The following PPM1E variants were observed in gnomAD, a reference collection of about 807,000 sequenced individuals.
The protein encoded by PPM1E is protein phosphatase 1E.
In PPM1E, 20 loss-of-function variants were observed where a neutral mutation model predicts 65.9. That is an observed-to-expected ratio of 0.30 (90% CI 0.21 to 0.44). The LOEUF (loss-of-function observed/expected upper bound fraction) is 0.44. PPM1E is among the 20% of genes least tolerant of loss of function. PPM1E has a pLI of 1.00. For missense variants in PPM1E, 713 were observed against 953.1 expected (o/e 0.75, Z 3.32); for synonymous variants, 352 against 374.9 (o/e 0.94, Z 0.70).
At chr17:58,860,921 A>G (rs1021354479) in intron 1 of PPM1E, among the ~76,000 whole-genome samples, 1 of 152,042 alleles carries the variant, frequency 6.6e-6, no homozygotes, top group African/African-American at 2.4e-5. Flanking sequence ...TGGGCGACAG[A>G]GTGAGACTCC....
At chr17:58,821,640 T>C (rs763582056) in intron 1 of PPM1E, among the ~76,000 whole-genome samples, 4 of 152,278 alleles carry the variant, frequency 2.6e-5, no homozygotes. Flanking sequence ...AGAATTCCTT[T>C]GATTGAGAAG....
chr17:58,962,311 C>T (rs1290729168), intron 2 of PPM1E, among the ~76,000 whole-genome samples: 1 of 150,938 alleles, frequency 6.6e-6, no homozygotes, highest in Non-Finnish European at 1.5e-5. Context: ...AAAAATGTAA[C>T]CACATGTAGT....
Position 58,969,664 on chromosome 17 carries a change from T to C in PPM1E, c.909T>C (p.Ala303=), listed in dbSNP as rs750263566. 4 of 1,614,190 alleles carry C rather than the reference T, an allele frequency of 2.5e-6. No individual in the cohort carries two copies. In the South Asian group the frequency reaches 4.4e-5, roughly 18 times the overall value. The change falls in exon 4 of 7, where the codon GCT becomes GCC. Residue 303 remains alanine (A), a synonymous_variant. Transcript: ENST00000308249. ...AGGAGATGTTCCCCCATGATCCTGC[T>C]GAGGCCCTGTGCAGGGCCTTCCGGG... ...VRQEMFPHDP[A]EALCRAFRVT...
intron 1 of PPM1E, among the ~76,000 whole-genome samples, chr17:58,831,289 G>A (rs1299337939): frequency 2.6e-5 from 4 of 152,164 alleles, no homozygotes; most frequent in African/African-American, 4.8e-5. Context: ...GATTACAGGC[G>A]TGAGCCACTG....
intron 1 of PPM1E, among the ~76,000 whole-genome samples, chr17:58,847,773 T>A (rs2050786660): frequency 6.6e-6 from 1 of 152,220 alleles, no homozygotes; most frequent in Non-Finnish European, 1.5e-5. Context: ...TGATTCCATA[T>A]GAACTTGAAA....
At chr17:58,956,103 T>A (rs1432680699) in intron 2 of PPM1E, among the ~76,000 whole-genome samples, 1 of 151,968 alleles carries the variant, frequency 6.6e-6, no homozygotes, top group Non-Finnish European at 1.5e-5. Context: ...TGAGGGAGAA[T>A]TCGAGCAAAA....
In PPM1E at chr17:58,969,689, G is replaced by A; in HGVS notation, c.934G>A (p.Val312Ile). 1 of 1,614,174 alleles carries A rather than the reference G, an allele frequency of 6.2e-7. No homozygotes were observed. The highest frequency in any genetic ancestry group is 8.5e-7 in the Non-Finnish European group (1 of 1,180,024). ...TGAGGCCCTGTGCAGGGCCTTCCGG[G>A]TCACTGATGAGCGGTTTGTGCAGAA... Reference protein sequence around the residue: ...PAEALCRAFRVTDERFVQKAA... With the variant: ...PAEALCRAFRITDERFVQKAA... Residue 312 changes from valine (V) to isoleucine (I), a missense_variant, in exon 4 of 7, where the codon GTC (valine) becomes ATC (isoleucine). By Grantham distance (29) the Val-to-Ile change is conservative. Around this residue, in one of 6 missense-constraint regions of PPM1E, gnomAD observed 88 missense variants for 231.1 expected, o/e 0.38. Coordinates refer to ENST00000308249, the MANE Select transcript of PPM1E (RefSeq NM_014906.5).
At chr17:58,768,373 C>A (rs961119964) in intron 1 of PPM1E, among the ~76,000 whole-genome samples, 2 of 152,154 alleles carry the variant, frequency 1.3e-5, no homozygotes, top group Admixed American at 6.6e-5. Flanking sequence ...AGCTACCTTG[C>A]CTGGCCCTTA....
chr17:58,971,568 G>T (rs2030625885), intron 4 of PPM1E, among the ~76,000 whole-genome samples: 1 of 152,054 alleles, frequency 6.6e-6, no homozygotes, highest in Admixed American at 6.6e-5. Flanking sequence ...TTTTTTAAAG[G>T]TATAAGCATC....
At chr17:58,944,479 C>T (rs935191713) in intron 1 of PPM1E, among the ~76,000 whole-genome samples, 2 of 152,108 alleles carry the variant, frequency 1.3e-5, no homozygotes, top group Non-Finnish European at 1.5e-5. Context: ...TATTAGCAGT[C>T]ACTCCTCATT....
At chr17:58,839,123 G>C (rs1217516431) in intron 1 of PPM1E, among the ~76,000 whole-genome samples, 2 of 152,088 alleles carry the variant, frequency 1.3e-5, no homozygotes, top group African/African-American at 4.8e-5. Flanking sequence ...ATTTGTTAAA[G>C]TCTGTAGAAC....
At chr17:58,948,667 T>A (rs892857266) in intron 1 of PPM1E, among the ~76,000 whole-genome samples, 3 of 152,222 alleles carry the variant, frequency 2.0e-5, no homozygotes, top group Non-Finnish European at 4.4e-5. Context: ...AGAGACATAT[T>A]ATATACTGCT....
chr17:58,973,375 C>T (rs2030767858), intron 6 of PPM1E, among the ~76,000 whole-genome samples: 1 of 150,694 alleles, frequency 6.6e-6, no homozygotes, highest in Admixed American at 6.6e-5. Flanking sequence ...GGAGATCGCG[C>T]CATTGCACGC....
intron 1 of PPM1E, among the ~76,000 whole-genome samples, chr17:58,943,103 A>G (rs1469613680): frequency 6.6e-6 from 1 of 152,128 alleles, no homozygotes; most frequent in Non-Finnish European, 1.5e-5. Flanking sequence ...GAATTAAAAA[A>G]AAAAGATAAC....
intron 3 of PPM1E, among the ~76,000 whole-genome samples, chr17:58,968,015 G>A (rs966973564): frequency 1.3e-5 from 2 of 152,046 alleles, no homozygotes; most frequent in African/African-American, 4.8e-5. Context: ...TGTTGGCCAG[G>A]ATGGTCTTGA....
intron 2 of PPM1E, among the ~76,000 whole-genome samples, 199 bp downstream of exon 2, chr17:58,955,966 A>G (rs528676028): frequency 2.6e-5 from 4 of 152,338 alleles, no homozygotes; most frequent in African/African-American, 4.8e-5. Flanking sequence ...ATACATGTGT[A>G]TTTTGAAAAA....
At chr17:58,976,833 A>G (rs2031027085) in intron 6 of PPM1E, among the ~76,000 whole-genome samples, 1 of 152,136 alleles carries the variant, frequency 6.6e-6, no homozygotes, top group African/African-American at 2.4e-5. Flanking sequence ...TGAAGCACTA[A>G]AACAAGATTT....
Position 58,825,130 on chromosome 17 carries a change from C to T in PPM1E, c.464+68669C>T, listed in dbSNP as rs150180760. ...TCCCAAATCACCACTAAAGAACTTA[C>T]TCATGTAACCAAATACCACCTGTAC... On this transcript the variant is annotated intron_variant, in intron 1 of 6. Coordinates refer to ENST00000308249, the MANE Select transcript of PPM1E (RefSeq NM_014906.5). 3.4e-3 allele frequency among the ~76,000 whole-genome samples: 517 copies of T among 151,824 alleles called. 14 individuals are homozygous for T. In the East Asian group the frequency reaches 0.055, roughly 16 times the overall value.
intron 1 of PPM1E, among the ~76,000 whole-genome samples, chr17:58,882,744 A>G (rs1598627478): frequency 2.0e-5 from 3 of 151,958 alleles, no homozygotes; most frequent in Non-Finnish European, 4.4e-5. Flanking sequence ...CAATACTACT[A>G]TTTAACTACA....
Sources: gnomAD v4.1 joint callset for allele counts (sites outside exome capture counted in the v4.1 genomes callset) on GRCh38, gnomAD v4.1.1 for gene constraint, gnomAD v4.1.1 regional missense constraint, MANE v1.5 for transcripts, NCBI Gene and HGNC (gene_info 2026-07-23, HGNC 2026-07-21) for gene names.